SPIRE1: variants seen among roughly 807,000 people sequenced by gnomAD.
SPIRE1 encodes the protein spire type actin nucleation factor 1, also known as protein spire homolog 1.
SPIRE1 carries 40 observed loss-of-function variants against 94.1 expected under a neutral mutation model. The ratio of observed to expected loss-of-function variants is 0.43; its 90% CI spans 0.33 to 0.55. The LOEUF is 0.55. Among genes scored for constraint, SPIRE1 ranks in the 20% least tolerant of loss-of-function variants. The pLI is 0.06. For missense variants in SPIRE1, 838 were observed against 975.2 expected (o/e 0.86, Z 1.87); for synonymous variants, 376 against 371.7 (o/e 1.01, Z -0.13).
At chr18:12,450,684 C>G in intron 16 of SPIRE1, 1 of 629,192 alleles carries the variant, frequency 1.6e-6, no homozygotes. Context: ...GATTATGGAC[C>G]AGCTAAGGGA....
At chr18:12,528,381 G>A (rs546068484) in intron 4 of SPIRE1, among the ~76,000 whole-genome samples, 50 of 152,310 alleles carry the variant, frequency 3.3e-4, no homozygotes, top group Admixed American at 2.9e-3. Context: ...ACATAGAGAA[G>A]AAAGAATGAC....
rs567577647 is a variant in SPIRE1 at position 12,448,777 on chromosome 18, C to T, written c.*861G>A. 1 of 152,394 alleles carries T rather than the reference C, an allele frequency of 6.6e-6. No homozygotes were observed. Among genetic ancestry groups the T allele is most frequent in the South Asian group, 2.1e-4 (1 of 4,834 alleles). 9.4% of individuals were successfully genotyped at this position (152,394 alleles called of 1,614,324 possible). On this transcript the variant is annotated 3_prime_UTR_variant, in exon 17 of 17. Coordinates refer to ENST00000409402, the MANE Select transcript of SPIRE1 (RefSeq NM_001128626.2). The surrounding 1 kb of genome is among the most constrained non-coding windows in gnomAD (Gnocchi z 4.4). ...CAGCTCATTTCTGCAGCGTGGCCAA[C>T]AGCTGCCACTGTACACTGTCACAAC...
intron 8 of SPIRE1, among the ~76,000 whole-genome samples, chr18:12,488,490 TC>T (rs1013109329): frequency 3.9e-5 from 6 of 152,136 alleles, no homozygotes; most frequent in African/African-American, 1.4e-4. Flanking sequence ...GGAGACAGCC[TC>T]TAGACTTCTA....
At chr18:12,533,220 A>T (rs2034737722) in intron 4 of SPIRE1, among the ~76,000 whole-genome samples, 1 of 152,162 alleles carries the variant, frequency 6.6e-6, no homozygotes, top group Non-Finnish European at 1.5e-5. Flanking sequence ...AGAGTGAGAG[A>T]TGTGGCTGGA....
intron 2 of SPIRE1, among the ~76,000 whole-genome samples, chr18:12,619,142 C>T (rs1227543919): frequency 2.6e-5 from 4 of 152,126 alleles, no homozygotes; most frequent in South Asian, 2.1e-4. Flanking sequence ...GTGATCCGCC[C>T]GCCACGGCCT....
rs143731197 is a variant in SPIRE1, at chr18:12,647,568, T to C, written c.337+9962A>G. On this transcript the variant is annotated intron_variant, in intron 1 of 16. Coordinates refer to ENST00000409402, the MANE Select transcript of SPIRE1 (RefSeq NM_001128626.2). ...TTCAAGACCAGCCTGGGCAATATAG[T>C]GAGAGACCCTGTCTCTACAAAAAAA... 2.6e-5 allele frequency among the ~76,000 whole-genome samples: 4 copies of C among 152,080 alleles called. No individual in the cohort carries two copies. The East Asian group carries it at 7.7e-4, about 29-fold the overall frequency.
At position 12,546,902 on chromosome 18, in the gene SPIRE1, G is replaced by A; in HGVS notation, c.375C>T (p.Val125=). The A allele has an allele frequency of 3.7e-6, 6 of 1,607,902 alleles. No homozygotes were observed. The highest frequency in any genetic ancestry group is 5.1e-6 in the Non-Finnish European group (6 of 1,175,220). Residue 125 remains valine (V), a splice_region_variant and synonymous_variant, in exon 3 of 17, where the codon GTC becomes GTT. Transcript: ENST00000409402. ...LGYSQCMETE[V]IESLGIIIYK... is the part of the protein sequence containing the mutation. ...AAATAATAATTCCCAAAGATTCAAT[G>A]ACCTAGGAACATTTAAAAAAGTGGT...
chr18:12,658,126 G>T (rs1378235457), upstream of SPIRE1: 17 of 959,574 alleles, frequency 1.8e-5, no homozygotes, highest in South Asian at 5.3e-4. Flanking sequence ...GCCCCGCCCC[G>T]CCCCGCCTCG....
intron 3 of SPIRE1, among the ~76,000 whole-genome samples, chr18:12,544,979 C>T (rs1011809984): frequency 2.6e-5 from 4 of 152,052 alleles, no homozygotes; most frequent in African/African-American, 9.7e-5. Flanking sequence ...ATGTATACTT[C>T]CCCCAACACA....
At chr18:12,527,662 G>T (rs1243218969) in intron 4 of SPIRE1, among the ~76,000 whole-genome samples, 1 of 152,126 alleles carries the variant, frequency 6.6e-6, no homozygotes, top group Non-Finnish European at 1.5e-5. Context: ...GTGTGTCCAG[G>T]AGCCCCAGGT....
In SPIRE1 at chr18:12,498,928, T is replaced by G. The variant is rs545118897; in HGVS notation, c.973-2826A>C. Among the ~76,000 whole-genome samples, 348 of 152,264 alleles carry G rather than the reference T, an allele frequency of 2.3e-3. 2 individuals are homozygous for G. Among genetic ancestry groups the G allele is most frequent in the South Asian group, 0.014 (67 of 4,822 alleles). On this transcript the variant is annotated intron_variant, in intron 6 of 16. Coordinates refer to ENST00000409402, the MANE Select transcript of SPIRE1 (RefSeq NM_001128626.2). Reference sequence around the variant, plus strand: ...ATCCCAACTGCACCCTGCCCATTTATTTATTTATTTATTTTTATGGAGATG... The same window carrying G: ...ATCCCAACTGCACCCTGCCCATTTAGTTATTTATTTATTTTTATGGAGATG...
chr18:12,586,829 C>T (rs531660963), intron 2 of SPIRE1, among the ~76,000 whole-genome samples: 1 of 152,104 alleles, frequency 6.6e-6, no homozygotes, highest in Admixed American at 6.5e-5. Context: ...GCCTCCTGAG[C>T]CCCTGAAGGA....
intron 16 of SPIRE1, among the ~76,000 whole-genome samples, chr18:12,451,213 T>A (rs370070312): frequency 6.6e-6 from 1 of 152,180 alleles, no homozygotes; most frequent in East Asian, 1.9e-4. Flanking sequence ...AGTAAATTTA[T>A]CTTAATCCCA....
intron 6 of SPIRE1, among the ~76,000 whole-genome samples, chr18:12,497,192 C>G (rs1263207194): frequency 6.6e-6 from 1 of 152,224 alleles, no homozygotes; most frequent in African/African-American, 2.4e-5. Context: ...CAGAGGATAT[C>G]TGCCTCCATC....
chr18:12,605,438 G>A lies in SPIRE1; in HGVS notation c.372+29624C>T, dbSNP rs534088575. On this transcript the variant is annotated intron_variant, in intron 2 of 16. Transcript: ENST00000409402. ...GGGGAATCGCTTGAACCCGGCAGGC[G>A]GAGGTCGCAGTGAGCTGAGATCCCG... Among the ~76,000 whole-genome samples, 9 of 152,280 alleles carry A rather than the reference G, an allele frequency of 5.9e-5. No individual in the cohort carries two copies. The East Asian group carries it at 9.6e-4, about 16-fold the overall frequency.
chr18:12,537,558 A>G (rs766036569), intron 3 of SPIRE1, among the ~76,000 whole-genome samples: 1 of 152,240 alleles, frequency 6.6e-6, no homozygotes. Flanking sequence ...ACACTGGTGT[A>G]AAGGTAATAG....
At chr18:12,584,103 A>G (rs929455485) in intron 2 of SPIRE1, among the ~76,000 whole-genome samples, 2 of 152,166 alleles carry the variant, frequency 1.3e-5, no homozygotes, top group Non-Finnish European at 2.9e-5. Flanking sequence ...TATATAATAC[A>G]TGCCAGGAAA....
At chr18:12,524,710 A>G (rs533778543) in intron 4 of SPIRE1, among the ~76,000 whole-genome samples, 1 of 152,292 alleles carries the variant, frequency 6.6e-6, no homozygotes, top group African/African-American at 2.4e-5. Flanking sequence ...ACAATGGCTC[A>G]TGCATGTAAT....
chr18:12,477,823 G>A (rs1007328095), intron 10 of SPIRE1, among the ~76,000 whole-genome samples: 1 of 152,142 alleles, frequency 6.6e-6, no homozygotes, highest in Non-Finnish European at 1.5e-5. Context: ...AAGAGTGAAC[G>A]GCTGTGCGTG....
Sources: allele counts gnomAD v4.1 joint callset (sites outside exome capture counted in the v4.1 genomes callset), GRCh38; gene constraint gnomAD v4.1.1; non-coding constraint Gnocchi (gnomAD v3.1); transcripts MANE v1.5; gene names NCBI Gene and HGNC (gene_info 2026-07-23, HGNC 2026-07-21).